TMBIM4: variants seen among roughly 807,000 people sequenced by gnomAD.
TMBIM4 encodes the protein protein lifeguard 4.
Under a neutral mutation model 27.7 loss-of-function variants are expected in TMBIM4, and 28 were observed. The observed-to-expected ratio is 1.01, with a 90% CI of 0.75 to 1.38. The LOEUF is 1.38. Among genes scored for constraint, TMBIM4 ranks in the 40% most tolerant of loss-of-function variants. The pLI is 0.00. For missense variants in TMBIM4, 265 were observed against 277.5 expected, an observed-to-expected ratio of 0.95 and a Z score of 0.32; for synonymous variants, 115 against 113.1, an observed-to-expected ratio of 1.02 and a Z score of -0.11.
intron 3 of TMBIM4, among the ~76,000 whole-genome samples, chr12:66,150,447 C>T (rs1385125900): frequency 6.6e-6 from 1 of 150,720 alleles, no homozygotes; most frequent in Non-Finnish European, 1.5e-5. Context: ...CAGGGTCTCA[C>T]TCTGTCACTG....
At chr12:66,139,019 G>T in intron 5 of TMBIM4, 1 of 344,652 alleles carries the variant, frequency 2.9e-6, no homozygotes. Context: ...AGTATAATTT[G>T]TGAAGTTTTG....
At chr12:66,142,028 G>A (rs751595847) in intron 5 of TMBIM4, among the ~76,000 whole-genome samples, 1 of 151,936 alleles carries the variant, frequency 6.6e-6, no homozygotes, top group Non-Finnish European at 1.5e-5. Context: ...ACACATTCTT[G>A]TCTAGTGCAC....
At chr12:66,147,527 G>A (rs1182118958) in intron 4 of TMBIM4, among the ~76,000 whole-genome samples, 4 of 152,152 alleles carry the variant, frequency 2.6e-5, no homozygotes, top group South Asian at 4.1e-4. Context: ...AGTTCAGTTT[G>A]GCACAGGCCA....
chr12:66,157,195 C>T (rs1200753059), intron 1 of TMBIM4, among the ~76,000 whole-genome samples: 3 of 151,790 alleles, frequency 2.0e-5, no homozygotes, highest in African/African-American at 4.8e-5. Flanking sequence ...TCAATAGCAC[C>T]CCATTAAGAA....
rs987776210 is a variant in TMBIM4 at position 66,137,584 on chromosome 12, C to T, written c.*376G>A. The T allele has an allele frequency of 1.0e-5, 2 of 197,830 alleles. No homozygotes were observed. The highest frequency in any genetic ancestry group is 7.6e-5 in the South Asian group (1 of 13,210). The allele number at this position is 197,830 out of a possible 1,614,324, so 12.3% of individuals were successfully genotyped here. ...CTAATTTTTGTATTTTTAGTAGAGACGGGGTTTCACCATGTTGGCCAGGAT... is the reference window on the plus strand; with the variant it reads ...CTAATTTTTGTATTTTTAGTAGAGATGGGGTTTCACCATGTTGGCCAGGAT... On this transcript the variant is annotated 3_prime_UTR_variant, in exon 7 of 7. Coordinates refer to ENST00000358230, the MANE Select transcript of TMBIM4 (RefSeq NM_016056.4).
Position 66,136,376 on chromosome 12 carries a change from A to G in TMBIM4, c.*1584T>C, listed in dbSNP as rs2051581272. 6.5e-6 allele frequency: 1 copy of G among 153,968 alleles called. No individual in the cohort carries two copies. Among genetic ancestry groups the G allele is most frequent in the South Asian group, 2.0e-4 (1 of 4,912 alleles). 9.5% of individuals were successfully genotyped at this position (153,968 alleles called of 1,614,324 possible). A position where few individuals can be genotyped will look rare whatever the true frequency, so the allele number is the denominator to read the frequency against. ...TGATAATTCAACAGTTAATGATAATAAAGTCAAATTTACATCTACAAATCA... is the reference window on the plus strand; with the variant it reads ...TGATAATTCAACAGTTAATGATAATGAAGTCAAATTTACATCTACAAATCA... On this transcript the variant is annotated 3_prime_UTR_variant, in exon 7 of 7. Transcript: ENST00000358230.
chr12:66,154,240 G>A (rs185838489), intron 1 of TMBIM4, among the ~76,000 whole-genome samples: 6 of 152,114 alleles, frequency 3.9e-5, no homozygotes, highest in Admixed American at 2.6e-4. Flanking sequence ...TCTCAGTTCC[G>A]CATTCTGAAT....
chr12:66,153,757 T>C (rs2051889913), intron 1 of TMBIM4, among the ~76,000 whole-genome samples: 1 of 152,106 alleles, frequency 6.6e-6, no homozygotes, highest in African/African-American at 2.4e-5. Context: ...GGATACAACA[T>C]AGCAAAAGAC....
At chr12:66,169,155 G>C (rs981682117) in intron 1 of TMBIM4, 3 of 644,896 alleles carry the variant, frequency 4.7e-6, no homozygotes, top group African/African-American at 3.7e-5. Flanking sequence ...CTGAAAGTCT[G>C]GGGCTGTTTC....
chr12:66,150,246 C>G (rs899815735), intron 3 of TMBIM4, among the ~76,000 whole-genome samples: 2 of 152,064 alleles, frequency 1.3e-5, no homozygotes, highest in African/African-American at 4.8e-5. Context: ...CTTCCTCTTT[C>G]CTGAGACATA....
chr12:66,146,297 C>T (rs1366200696), intron 4 of TMBIM4, among the ~76,000 whole-genome samples: 1 of 152,188 alleles, frequency 6.6e-6, no homozygotes, highest in Non-Finnish European at 1.5e-5. Flanking sequence ...CAGTTTACCA[C>T]CATCTGTGGT....
At chr12:66,141,991 C>T (rs1450292212) in intron 5 of TMBIM4, among the ~76,000 whole-genome samples, 1 of 152,082 alleles carries the variant, frequency 6.6e-6, no homozygotes, top group Non-Finnish European at 1.5e-5. Flanking sequence ...TGACATTTAT[C>T]AAATCATCCG....
At chr12:66,146,076 T>C in intron 4 of TMBIM4, 118 bp from the exon 5 acceptor site, 1 of 553,724 alleles carries the variant, frequency 1.8e-6, no homozygotes, top group Non-Finnish European at 3.2e-6. Context: ...ATAAAAACAA[T>C]TAGAAAAGAT....
rs117440094 is a variant in TMBIM4 at position 66,166,049 on chromosome 12, T to C, written c.97+3806A>G. On this transcript the variant is annotated intron_variant, in intron 1 of 6. Coordinates refer to ENST00000358230, the MANE Select transcript of TMBIM4 (RefSeq NM_016056.4). ...AGTTTTATAGTTTTAGGTCTTACAT[T>C]TAGGACTTCGATCTTTTTTGAGGTA... is the stretch of plus-strand genomic sequence containing the variant. 4.4e-3 allele frequency among the ~76,000 whole-genome samples: 671 copies of C among 152,340 alleles called. 6 individuals carry two copies. Among genetic ancestry groups the C allele is most frequent in the African/African-American group, 0.014 (599 of 41,578 alleles).
At chr12:66,168,207 C>T (rs1321152640) in intron 1 of TMBIM4, among the ~76,000 whole-genome samples, 2 of 147,696 alleles carry the variant, frequency 1.4e-5, no homozygotes, top group Non-Finnish European at 1.5e-5. Flanking sequence ...GGTGGCAAAG[C>T]GAGACCCTGT....
intron 1 of TMBIM4, among the ~76,000 whole-genome samples, chr12:66,164,423 A>G (rs2052092927): frequency 6.6e-6 from 1 of 152,226 alleles, no homozygotes. Flanking sequence ...ATTGTAGGAC[A>G]ACTGAAGGAA....
At chr12:66,140,252 G>A (rs752550435) in intron 5 of TMBIM4, among the ~76,000 whole-genome samples, 3 of 152,060 alleles carry the variant, frequency 2.0e-5, no homozygotes, top group Non-Finnish European at 4.4e-5. Flanking sequence ...GTTCAAGATC[G>A]AGGAAAGAAT....
intron 4 of TMBIM4, among the ~76,000 whole-genome samples, chr12:66,146,519 C>T (rs1180532077): frequency 6.6e-6 from 1 of 152,182 alleles, no homozygotes; most frequent in Non-Finnish European, 1.5e-5. Context: ...AAACCAACCA[C>T]TAACTGCTTT....
chr12:66,169,849 A>G lies in TMBIM4; in HGVS notation c.97+6T>C, dbSNP rs2052205990. 15 of 1,511,500 alleles carry G rather than the reference A, an allele frequency of 9.9e-6. No individual in the cohort carries two copies. The highest frequency in any genetic ancestry group is 1.2e-5 in the Non-Finnish European group (13 of 1,129,524). The allele number at this position is 1,511,500 out of a possible 1,614,324, so 93.6% of individuals were successfully genotyped here. On this transcript the variant is annotated splice_donor_region_variant and intron_variant, in intron 1 of 6. Transcript: ENST00000358230. ...GCTGGGAGGCACTGGAGAGGGGACA[A>G]CGTACCCATTCGGATGTGCACGGTG... is the stretch of plus-strand genomic sequence containing the variant.
Sources: allele counts gnomAD v4.1 joint callset (sites outside exome capture counted in the v4.1 genomes callset), GRCh38; gene constraint gnomAD v4.1.1; transcripts MANE v1.5; gene names NCBI Gene and HGNC (gene_info 2026-07-23, HGNC 2026-07-21).